Variants in TOP6BL observed in about 807,000 individuals in gnomAD.
TOP6BL encodes TOP6B like initiator of meiotic double strand breaks, also known as type 2 DNA topoisomerase 6 subunit B-like.
At chr11:66,830,937 G>GT in the TOP6BL span, among the ~76,000 whole-genome samples, 1 of 152,000 alleles carries the variant, frequency 6.6e-6, no homozygotes, top group Non-Finnish European at 1.5e-5. Flanking sequence ...ACACAACTCG[G>GT]TTTTTTTAAA....
the TOP6BL span, among the ~76,000 whole-genome samples, chr11:66,824,371 A>C: frequency 6.6e-6 from 1 of 150,682 alleles, no homozygotes; most frequent in Non-Finnish European, 1.5e-5. Context: ...TCAGCCTCCC[A>C]AGTAGCTGGG....
chr11:66,763,871 G>A, the TOP6BL span, among the ~76,000 whole-genome samples: 39 of 152,250 alleles, frequency 2.6e-4, no homozygotes, highest in African/African-American at 9.1e-4. Context: ...CTCCCAAAAC[G>A]TAGGGATTAC....
chr11:66,755,310 G>A, the TOP6BL span, among the ~76,000 whole-genome samples: 9 of 151,976 alleles, frequency 5.9e-5, no homozygotes, highest in Non-Finnish European at 8.8e-5. Context: ...TAGTAGAAAC[G>A]GGGTTTCACT....
At chr11:66,843,479 G>C in the TOP6BL span, 2 of 1,465,522 alleles carry the variant, frequency 1.4e-6, no homozygotes, top group Non-Finnish European at 1.8e-6. Context: ...GCGGGGATGG[G>C]CTGCGACTGC....
the TOP6BL span, among the ~76,000 whole-genome samples, chr11:66,759,705 T>A: frequency 6.6e-6 from 1 of 152,194 alleles, no homozygotes; most frequent in Non-Finnish European, 1.5e-5. Flanking sequence ...TGCCTCAGCC[T>A]TCCGAGTAGC....
At chr11:66,776,325 C>T in the TOP6BL span, among the ~76,000 whole-genome samples, 6 of 152,136 alleles carry the variant, frequency 3.9e-5, no homozygotes, top group African/African-American at 1.4e-4. Context: ...TCCCAAAGTG[C>T]TGGAACTACA....
chr11:66,778,658 A>G, the TOP6BL span, among the ~76,000 whole-genome samples: 1 of 152,166 alleles, frequency 6.6e-6, no homozygotes, highest in African/African-American at 2.4e-5. Context: ...ATTGGAAAAA[A>G]CTACTTTAAA....
the TOP6BL span, among the ~76,000 whole-genome samples, chr11:66,782,514 C>G: frequency 2.6e-5 from 4 of 152,152 alleles, no homozygotes; most frequent in African/African-American, 9.7e-5. Context: ...ACTCCAAAAT[C>G]TATTCTCTGC....
the TOP6BL span, chr11:66,758,302 C>CTTGTTTTTTTTT: frequency 1.5e-5 from 1 of 67,318 alleles, no homozygotes; most frequent in Non-Finnish European, 2.5e-5. Context: ...TTTTCTTTTT[C>CTTGTTTTTTTTT]TTTTTTTTTT....
At chr11:66,821,639 T>A in the TOP6BL span, 4 of 1,601,182 alleles carry the variant, frequency 2.5e-6, no homozygotes, top group Non-Finnish European at 3.4e-6. Context: ...CTCCCTCCCC[T>A]TAGGAGTCTA....
At chr11:66,764,988 A>C in the TOP6BL span, among the ~76,000 whole-genome samples, 3 of 152,022 alleles carry the variant, frequency 2.0e-5, no homozygotes, top group Admixed American at 1.3e-4. Flanking sequence ...AAGCTATATA[A>C]ATGGAGTATA....
At chr11:66,796,196 T>G in the TOP6BL span, 1 of 1,052,972 alleles carries the variant, frequency 9.5e-7, no homozygotes, top group Non-Finnish European at 1.4e-6. Flanking sequence ...GTATAGTTAC[T>G]TTTAGAAGAG....
At chr11:66,841,574 AAG>A in the TOP6BL span, among the ~76,000 whole-genome samples, 1 of 152,186 alleles carries the variant, frequency 6.6e-6, no homozygotes, top group Non-Finnish European at 1.5e-5. Flanking sequence ...ACACCTTTGA[AAG>A]AACGATCTTT....
the TOP6BL span, among the ~76,000 whole-genome samples, chr11:66,797,117 C>T: frequency 6.6e-6 from 1 of 151,498 alleles, no homozygotes; most frequent in East Asian, 1.9e-4. Context: ...CTCCTGCCTC[C>T]GCCTTCCTAG....
chr11:66,842,858 G>A, the TOP6BL span: 1 of 1,569,138 alleles, frequency 6.4e-7, no homozygotes, highest in Non-Finnish European at 8.6e-7. Context: ...GATACCAGCG[G>A]GCAAGCAGAA....
chr11:66,759,082 A>G, the TOP6BL span: 1 of 1,559,160 alleles, frequency 6.4e-7, no homozygotes. Flanking sequence ...ATGGTCCTCA[A>G]GAAGTTCCTA....
the TOP6BL span, chr11:66,822,503 G>T: frequency 2.7e-6 from 3 of 1,115,070 alleles, no homozygotes; most frequent in Non-Finnish European, 4.0e-6. Context: ...GGCCCTCTGG[G>T]ATTCTCTAAA....
chr11:66,842,891 G>A, the TOP6BL span: 1 of 1,575,248 alleles, frequency 6.3e-7, no homozygotes, highest in Non-Finnish European at 8.6e-7. Flanking sequence ...AAGAGGGGCA[G>A]CCCCCGCATA....
chr11:66,802,789 A>G, the TOP6BL span, among the ~76,000 whole-genome samples: 2 of 152,252 alleles, frequency 1.3e-5, no homozygotes, highest in South Asian at 4.1e-4. Context: ...TCCCCACCCC[A>G]TATCTTTCTT....
Sources: allele counts gnomAD v4.1 joint callset (sites outside exome capture counted in the v4.1 genomes callset), GRCh38; gene constraint gnomAD v4.1.1; transcripts MANE v1.5; gene names NCBI Gene and HGNC (gene_info 2026-07-23, HGNC 2026-07-21).